FBXW7: variants seen among roughly 807,000 people sequenced by gnomAD.
FBXW7 encodes the protein F-box/WD repeat-containing protein 7.
FBXW7 carries 11 observed loss-of-function variants against 86.3 expected under a neutral mutation model. The observed-to-expected ratio is 0.13, with a 90% confidence interval of 0.08 to 0.21. FBXW7 has a LOEUF of 0.21. Among genes scored for constraint, FBXW7 ranks in the 10% least tolerant of loss-of-function variants. The probability of loss-of-function intolerance (pLI) is 1.00; values close to 1 mark genes in which losing one functional copy is unlikely to be tolerated. For synonymous variants in FBXW7, 313 were observed against 297.9 expected (o/e 1.05, Z -0.52); for missense variants, 488 against 847.4 (o/e 0.58, Z 5.27).
intron 2 of FBXW7, among the ~76,000 whole-genome samples, chr4:152,533,203 A>T (rs897365381): frequency 1.3e-5 from 2 of 152,044 alleles, no homozygotes; most frequent in African/African-American, 2.4e-5. Flanking sequence ...AAAAAAAAAA[A>T]TACCGTAATT....
At chr4:152,415,589 T>C (rs146137051) in intron 2 of FBXW7, among the ~76,000 whole-genome samples, 2 of 152,258 alleles carry the variant, frequency 1.3e-5, no homozygotes, top group East Asian at 3.9e-4. Flanking sequence ...CTGAAATGCA[T>C]GATGAAATAA....
At chr4:152,413,485 G>GCTCAT (rs1738157233) in intron 2 of FBXW7, among the ~76,000 whole-genome samples, 1 of 151,950 alleles carries the variant, frequency 6.6e-6, no homozygotes, top group Non-Finnish European at 1.5e-5. Context: ...GGTAATCAAG[G>GCTCAT]CTCAAAATGA....
intron 4 of FBXW7, among the ~76,000 whole-genome samples, chr4:152,360,402 T>C (rs140732611): frequency 6.6e-6 from 1 of 152,274 alleles, no homozygotes; most frequent in East Asian, 1.9e-4. Context: ...AAATTGTATA[T>C]TCCCAGAAAA....
chr4:152,353,987 T>G (rs555456882), intron 4 of FBXW7, among the ~76,000 whole-genome samples: 9 of 152,168 alleles, frequency 5.9e-5, no homozygotes, highest in Admixed American at 5.2e-4. Context: ...TTGGACTTAC[T>G]AACATTTTAA....
At chr4:152,328,515 T>C (rs1259334759) in intron 10 of FBXW7, 126 bp from the exon 11 acceptor site, 1 of 568,872 alleles carries the variant, frequency 1.8e-6, no homozygotes, top group Non-Finnish European at 3.0e-6. Context: ...CAGAAAATAT[T>C]ACATCCGTAT....
chr4:152,464,761 A>C (rs1177569834), intron 2 of FBXW7, among the ~76,000 whole-genome samples: 1 of 152,228 alleles, frequency 6.6e-6, no homozygotes, highest in Non-Finnish European at 1.5e-5. Context: ...TCAAAATAAT[A>C]AAGTCAAGAC....
chr4:152,404,334 GT>G (rs1737222134), intron 4 of FBXW7, among the ~76,000 whole-genome samples: 1 of 152,172 alleles, frequency 6.6e-6, no homozygotes, highest in Non-Finnish European at 1.5e-5. Context: ...ATATATGCTT[GT>G]TATAACAAAA....
intron 2 of FBXW7, among the ~76,000 whole-genome samples, chr4:152,513,067 G>T (rs984610369): frequency 1.3e-5 from 2 of 152,038 alleles, no homozygotes; most frequent in Non-Finnish European, 2.9e-5. Flanking sequence ...TCACCATATT[G>T]GCCAGGCTGG....
intron 2 of FBXW7, chr4:152,530,412 T>A (rs1221863278): frequency 6.6e-6 from 1 of 152,222 alleles, no homozygotes; most frequent in Non-Finnish European, 1.5e-5. Context: ...TCAGAAGGTT[T>A]CAAAAGTATG....
chr4:152,393,567 C>T (rs982123732), intron 4 of FBXW7, among the ~76,000 whole-genome samples: 8 of 152,078 alleles, frequency 5.3e-5, no homozygotes, highest in Non-Finnish European at 8.8e-5. Flanking sequence ...CAGATGGCAG[C>T]ATATCGGTAA....
intron 2 of FBXW7, among the ~76,000 whole-genome samples, chr4:152,527,370 T>A (rs1178909826): frequency 6.6e-6 from 1 of 152,234 alleles, no homozygotes; most frequent in African/African-American, 2.4e-5. Context: ...ATTACACTTT[T>A]AGTGAAGCAA....
chr4:152,497,374 C>G (rs77389102), intron 2 of FBXW7, among the ~76,000 whole-genome samples: 19 of 143,726 alleles, frequency 1.3e-4, no homozygotes, highest in East Asian at 6.0e-4. Context: ...CACACACACA[C>G]ACTATGAGAT....
At chr4:152,382,211 C>T in intron 4 of FBXW7, 1 of 1,555,148 alleles carries the variant, frequency 6.4e-7, no homozygotes, top group Non-Finnish European at 8.7e-7. Flanking sequence ...AAAAGGGAGG[C>T]CTTGGGCAAT....
chr4:152,418,126 A>ACCACAC (rs1211305874), intron 2 of FBXW7, among the ~76,000 whole-genome samples: 44 of 140,080 alleles, frequency 3.1e-4, no homozygotes, highest in Admixed American at 9.9e-4. Context: ...AACAGCTCTT[A>ACCACAC]CCACACACAC....
At chr4:152,441,134 G>A (rs1449261207) in intron 2 of FBXW7, among the ~76,000 whole-genome samples, 2 of 152,078 alleles carry the variant, frequency 1.3e-5, no homozygotes, top group African/African-American at 2.4e-5. Flanking sequence ...GAACTTATAT[G>A]GCTAAGTATG....
At chr4:152,369,191 T>A (rs1475862393) in intron 4 of FBXW7, among the ~76,000 whole-genome samples, 2 of 152,152 alleles carry the variant, frequency 1.3e-5, no homozygotes, top group African/African-American at 4.8e-5. Flanking sequence ...GAGGGCTTCA[T>A]AATAGTTACA....
intron 2 of FBXW7, among the ~76,000 whole-genome samples, chr4:152,516,910 C>T (rs1411547446): frequency 1.3e-5 from 2 of 152,158 alleles, no homozygotes; most frequent in African/African-American, 2.4e-5. Flanking sequence ...ACTGCAGCCT[C>T]GACCTCCTGG....
rs115766218 is a variant in FBXW7, at chr4:152,513,257, C to A, written c.-120+21684G>T. Reference sequence around the variant, plus strand: ...TGAATTTTCTGGTATGCAAATTATACCTCAATAACTAAAAAAGCTGCAGGA... The same window carrying A: ...TGAATTTTCTGGTATGCAAATTATAACTCAATAACTAAAAAAGCTGCAGGA... On this transcript the variant is annotated intron_variant, in intron 2 of 13. Coordinates refer to ENST00000281708, the MANE Select transcript of FBXW7 (RefSeq NM_001349798.2). Among the ~76,000 whole-genome samples the A allele has an allele frequency of 5.1e-3, 772 of 152,134 alleles. 4 individuals are homozygous for A. The highest frequency in any genetic ancestry group is 0.018 in the African/African-American group (743 of 41,510).
At chr4:152,442,564 C>T (rs1389944125) in intron 2 of FBXW7, among the ~76,000 whole-genome samples, 2 of 152,186 alleles carry the variant, frequency 1.3e-5, no homozygotes, top group Non-Finnish European at 2.9e-5. Context: ...TTAGTATTTC[C>T]AGTGGTTTAC....
Sources: gnomAD v4.1 joint callset for allele counts (sites outside exome capture counted in the v4.1 genomes callset) on GRCh38, gnomAD v4.1.1 for gene constraint, MANE v1.5 for transcripts, NCBI Gene and HGNC (gene_info 2026-07-23, HGNC 2026-07-21) for gene names.